The following DNMT3A variants were observed in gnomAD, a reference collection of about 807,000 sequenced individuals.
DNMT3A encodes DNA (cytosine-5)-methyltransferase 3A.
A neutral mutation model predicts 117.6 loss-of-function variants in DNMT3A; 267 were observed. The observed-to-expected ratio is 2.27, with a 90% CI of 2.05 to 2.51. The LOEUF (loss-of-function observed/expected upper bound fraction) is 2.51. Ranked by LOEUF, DNMT3A falls within the 30% of genes most tolerant of loss-of-function variation. The probability of loss-of-function intolerance (pLI) is 0.00; values close to 1 mark genes in which losing one functional copy is unlikely to be tolerated. For missense variants in DNMT3A, 1,029 were observed against 1,260.2 expected (o/e 0.82, Z 2.78); for synonymous variants, 432 against 474.8 (o/e 0.91, Z 1.17).
chr2:25,252,281 G>A lies in DNMT3A; in HGVS notation c.640-4029C>T. ...CTGGAAGTAGCTGCCCGTCTTGGGG[G>A]AGGGGAAGGGGGCGATGGGGCTGGG... On this transcript the variant is annotated intron_variant, in intron 6 of 22. Coordinates refer to ENST00000321117, the MANE Select transcript of DNMT3A (RefSeq NM_022552.5). The surrounding 1 kb of genome is among the most constrained non-coding windows in gnomAD (Gnocchi z 5.5). 2.2e-6 allele frequency: 3 copies of A among 1,361,424 alleles called. No individual in the cohort carries two copies. In the South Asian group the frequency reaches 4.1e-5, roughly 19 times the overall value. 84.3% of individuals were successfully genotyped at this position (1,361,424 alleles called of 1,614,324 possible). A position where few individuals can be genotyped will look rare whatever the true frequency, so the allele number is the denominator to read the frequency against.
rs750934174 is a variant in DNMT3A at position 25,339,882 on chromosome 2, G to A, written c.-178+1944C>T. Among the ~76,000 whole-genome samples, 1 of 152,264 alleles carries A rather than the reference G, an allele frequency of 6.6e-6. No individual in the cohort carries two copies. Among genetic ancestry groups the A allele is most frequent in the Non-Finnish European group, 1.5e-5 (1 of 68,046 alleles). On this transcript the variant is annotated intron_variant, in intron 1 of 22. Coordinates refer to ENST00000321117, the MANE Select transcript of DNMT3A (RefSeq NM_022552.5). This position sits in a 1 kb window ranked among gnomAD's most constrained non-coding sequence, Gnocchi z 4.9. ...TGCAGCTGTCACATCTGCCCGCGAG[G>A]GAGGAGGCGACACTGGAGCAGCACC...
chr2:25,269,192 C>T (rs775056244), intron 6 of DNMT3A, among the ~76,000 whole-genome samples: 2 of 152,110 alleles, frequency 1.3e-5, no homozygotes, highest in African/African-American at 4.8e-5. Context: ...TGTGGTGGTG[C>T]GTGCCTGTAA....
rs1448106161 is a variant in DNMT3A, at chr2:25,306,934, T to C, written c.73-6691A>G. ...TGGCACCAAGCCCACACATGTCTGC[T>C]CCTTCAGTAGCACACCCAGCTCTGC... On this transcript the variant is annotated intron_variant, in intron 2 of 22. Transcript: ENST00000321117. This position sits in a 1 kb window ranked among gnomAD's most constrained non-coding sequence, Gnocchi z 4.1. 6.6e-6 allele frequency among the ~76,000 whole-genome samples: 1 copy of C among 152,196 alleles called. No homozygotes were observed. The highest frequency in any genetic ancestry group is 1.9e-4 in the East Asian group (1 of 5,196).
At chr2:25,313,836 G>C in intron 2 of DNMT3A, 77 bp downstream of exon 2, 5 of 1,545,588 alleles carry the variant, frequency 3.2e-6, no homozygotes, top group Non-Finnish European at 3.5e-6. Context: ...TCAGTATGAG[G>C]AGCCGGCTGT....
chr2:25,258,669 CG>C lies in DNMT3A; in HGVS notation c.640-10418del, dbSNP rs555822743. Among the ~76,000 whole-genome samples, 93 of 152,240 alleles carry C rather than the reference CG, an allele frequency of 6.1e-4. 2 individuals are homozygous for C. In the South Asian group the frequency reaches 0.019, roughly 31 times the overall value. On this transcript the variant is annotated intron_variant, in intron 6 of 22. Coordinates refer to ENST00000321117, the MANE Select transcript of DNMT3A (RefSeq NM_022552.5). ...TGGTAGGGATGCTTTCTACATGTGC[CG>C]AAGGAACTCAGAGGCAGCTGGGATC...
intron 1 of DNMT3A, among the ~76,000 whole-genome samples, chr2:25,324,155 C>T (rs976866956): frequency 6.6e-6 from 1 of 152,210 alleles, no homozygotes; most frequent in African/African-American, 2.4e-5. Flanking sequence ...TATTCAATGC[C>T]CTGCCCAATG....
chr2:25,338,743 C>T lies in DNMT3A; in HGVS notation c.-178+3083G>A, dbSNP rs563250401. Among the ~76,000 whole-genome samples, 11 of 152,286 alleles carry T rather than the reference C, an allele frequency of 7.2e-5. No homozygotes were observed. In the East Asian group the frequency reaches 1.4e-3, roughly 19 times the overall value. On this transcript the variant is annotated intron_variant, in intron 1 of 22. Transcript: ENST00000321117. Reference sequence around the variant, plus strand: ...AGGTATAGCATGGGGCATCTTCCCCCGAGTGCAGGCCTGGCTCCACTTCTT... The same window carrying T: ...AGGTATAGCATGGGGCATCTTCCCCTGAGTGCAGGCCTGGCTCCACTTCTT...
At chr2:25,328,321 G>T (rs986751082) in intron 1 of DNMT3A, among the ~76,000 whole-genome samples, 1 of 151,926 alleles carries the variant, frequency 6.6e-6, no homozygotes, top group Non-Finnish European at 1.5e-5. Flanking sequence ...TGCTCTGGCC[G>T]TGCCCCCACC....
Position 25,300,653 on chromosome 2 carries a change from CTAAATAATATATTATTTAGAT to C in DNMT3A, c.73-431_73-411del, listed in dbSNP as rs2033392247. ...TCTAAATAATATATTATTTAGATAT[CTAAATAATATATTATTTAGAT>C]ATATATTTAGATATATATTTATATA... On this transcript the variant is annotated intron_variant, in intron 2 of 22. Coordinates refer to ENST00000321117, the MANE Select transcript of DNMT3A (RefSeq NM_022552.5). Among the ~76,000 whole-genome samples the C allele has an allele frequency of 4.2e-4, 2 of 4,746 alleles. 1 individual carries two copies. Among genetic ancestry groups the C allele is most frequent in the Non-Finnish European group, 1.7e-3 (2 of 1,184 alleles). 3.1% of individuals were successfully genotyped at this position (4,746 alleles called of 152,430 possible). A position where few individuals can be genotyped will look rare whatever the true frequency, so the allele number is the denominator to read the frequency against.
chr2:25,264,145 T>G (rs908114493), intron 6 of DNMT3A, among the ~76,000 whole-genome samples: 5 of 134,504 alleles, frequency 3.7e-5, no homozygotes, highest in Admixed American at 1.5e-4. Flanking sequence ...TTTTTTTTTT[T>G]TTTTTTTTTT....
intron 19 of DNMT3A, 58 bp from the exon 20 acceptor site, chr2:25,239,273 C>A: frequency 6.6e-7 from 1 of 1,512,180 alleles, no homozygotes; most frequent in South Asian, 1.1e-5. Context: ...ACAGCGCCGG[C>A]ATGCTGCTGG....
rs1421974837 is a variant in DNMT3A, at chr2:25,296,760, G to A, written c.177+3379C>T. Reference sequence around the variant, plus strand: ...ACCCAGGGACAGATGCCTGTTGAAGGCCAAGACAGACAGTCCTTGGGGGCA... The same window carrying A: ...ACCCAGGGACAGATGCCTGTTGAAGACCAAGACAGACAGTCCTTGGGGGCA... On this transcript the variant is annotated intron_variant, in intron 3 of 22. Coordinates refer to ENST00000321117, the MANE Select transcript of DNMT3A (RefSeq NM_022552.5). This position sits in a 1 kb window ranked among gnomAD's most constrained non-coding sequence, Gnocchi z 4.2. Among the ~76,000 whole-genome samples the A allele has an allele frequency of 6.6e-6, 1 of 152,244 alleles. No individual in the cohort carries two copies. Among genetic ancestry groups the A allele is most frequent in the African/African-American group, 2.4e-5 (1 of 41,468 alleles).
chr2:25,248,672 C>T (rs1444910424), intron 6 of DNMT3A, among the ~76,000 whole-genome samples: 5 of 152,182 alleles, frequency 3.3e-5, no homozygotes, highest in Middle Eastern at 3.4e-3. Flanking sequence ...CTCAGCCTCC[C>T]GAGTAGCTGG....
chr2:25,325,784 G>A (rs1462429615), intron 1 of DNMT3A, among the ~76,000 whole-genome samples: 1 of 152,238 alleles, frequency 6.6e-6, no homozygotes, highest in Non-Finnish European at 1.5e-5. Flanking sequence ...ACAGAGCCAA[G>A]CAAGACTGTG....
At chr2:25,308,689 G>C (rs920326741) in intron 2 of DNMT3A, among the ~76,000 whole-genome samples, 1 of 152,006 alleles carries the variant, frequency 6.6e-6, no homozygotes, top group African/African-American at 2.4e-5. Context: ...TGACCTTACC[G>C]CAACCACTGT....
rs574147325 is a variant in DNMT3A, at chr2:25,306,859, T to A, written c.73-6616A>T. ...ACATGTAAACAAGTACCTGATGCCA[T>A]GCTGAGCCCAGACTGGAGTGTGCTA... On this transcript the variant is annotated intron_variant, in intron 2 of 22. Transcript: ENST00000321117. The surrounding 1 kb of genome is among the most constrained non-coding windows in gnomAD (Gnocchi z 4.1). Among the ~76,000 whole-genome samples, 32 of 152,256 alleles carry A rather than the reference T, an allele frequency of 2.1e-4. No homozygotes were observed. Among genetic ancestry groups the A allele is most frequent in the Non-Finnish European group, 4.3e-4 (29 of 68,046 alleles).
At chr2:25,241,144 T>C (rs564352147) in intron 17 of DNMT3A, among the ~76,000 whole-genome samples, 3 of 152,280 alleles carry the variant, frequency 2.0e-5, no homozygotes, top group African/African-American at 7.2e-5. Flanking sequence ...CTCCCAGATA[T>C]GGAAGCTGAT....
chr2:25,312,452 G>A (rs1038121591), intron 2 of DNMT3A, among the ~76,000 whole-genome samples: 1 of 152,204 alleles, frequency 6.6e-6, no homozygotes, highest in Non-Finnish European at 1.5e-5. Flanking sequence ...ACACCCCCAC[G>A]GTGCTCTACA....
At chr2:25,314,663 C>T (rs923798450) in intron 1 of DNMT3A, 12 of 985,440 alleles carry the variant, frequency 1.2e-5, no homozygotes, top group African/African-American at 8.7e-5. Context: ...ACTTCAGGAC[C>T]GGTGCCTGGG....
Sources: allele counts gnomAD v4.1 joint callset (sites outside exome capture counted in the v4.1 genomes callset), GRCh38; gene constraint gnomAD v4.1.1; non-coding constraint Gnocchi (gnomAD v3.1); transcripts MANE v1.5; gene names NCBI Gene and HGNC (gene_info 2026-07-23, HGNC 2026-07-21).